The following KCNIP4 variants were observed in gnomAD, a reference collection of about 807,000 sequenced individuals.
KCNIP4 encodes Kv channel-interacting protein 4.
A neutral mutation model predicts 34.0 loss-of-function variants in KCNIP4; 12 were observed. The observed-to-expected ratio is 0.35, with a 90% confidence interval of 0.23 to 0.57. The LOEUF (loss-of-function observed/expected upper bound fraction) is 0.57. Among genes scored for constraint, KCNIP4 ranks in the 20% least tolerant of loss-of-function variants. The probability of loss-of-function intolerance (pLI) is 0.83; values close to 1 mark genes in which losing one functional copy is unlikely to be tolerated. For synonymous variants in KCNIP4, 124 were observed against 102.2 expected (o/e 1.21, Z -1.29); for missense variants, 238 against 311.7 (o/e 0.76, Z 1.78).
intron 1 of KCNIP4, among the ~76,000 whole-genome samples, chr4:21,594,094 GATACA>G (rs1042837079): frequency 2.3e-4 from 35 of 152,178 alleles, no homozygotes; most frequent in African/African-American, 8.2e-4. Context: ...TACCTTGAAA[GATACA>G]ATACCAAATT....
At chr4:21,905,458 GGTTT>G in intron 1 of KCNIP4, among the ~76,000 whole-genome samples, 1 of 151,948 alleles carries the variant, frequency 6.6e-6, no homozygotes, top group Non-Finnish European at 1.5e-5. Flanking sequence ...ACAACATGCA[GGTTT>G]GTTACATATG....
chr4:20,786,512 T>C (rs1712013986), intron 3 of KCNIP4, among the ~76,000 whole-genome samples: 1 of 152,210 alleles, frequency 6.6e-6, no homozygotes, highest in Non-Finnish European at 1.5e-5. Context: ...TATAGTCTTC[T>C]ATATTTTTCC....
At chr4:21,673,336 T>G (rs1749648649) in intron 1 of KCNIP4, among the ~76,000 whole-genome samples, 1 of 152,206 alleles carries the variant, frequency 6.6e-6, no homozygotes, top group Non-Finnish European at 1.5e-5. Flanking sequence ...TATATCTTCT[T>G]GGTTCTCTTA....
At chr4:21,488,675 T>C (rs1049605269) in intron 1 of KCNIP4, among the ~76,000 whole-genome samples, 3 of 151,882 alleles carry the variant, frequency 2.0e-5, no homozygotes, top group Non-Finnish European at 4.4e-5. Context: ...ACATGGGAAG[T>C]AGGAATTAAG....
intron 1 of KCNIP4, among the ~76,000 whole-genome samples, chr4:21,258,820 T>C (rs1761256257): frequency 6.6e-6 from 1 of 152,192 alleles, no homozygotes; most frequent in African/African-American, 2.4e-5. Flanking sequence ...GAAACATTCC[T>C]ACATTTGCAT....
intron 1 of KCNIP4, among the ~76,000 whole-genome samples, chr4:21,725,160 C>T (rs966302820): frequency 1.3e-5 from 2 of 152,122 alleles, no homozygotes; most frequent in South Asian, 4.1e-4. Flanking sequence ...ATCACAGATG[C>T]CTTTTAAACC....
intron 1 of KCNIP4, among the ~76,000 whole-genome samples, chr4:21,745,612 A>G (rs1716722373): frequency 6.6e-6 from 1 of 152,166 alleles, no homozygotes. Context: ...ACATCAAACC[A>G]CAGAAACACA....
intron 1 of KCNIP4, among the ~76,000 whole-genome samples, chr4:21,760,836 A>G (rs1020842557): frequency 6.6e-6 from 1 of 152,114 alleles, no homozygotes; most frequent in African/African-American, 2.4e-5. Context: ...CACACTCCCA[A>G]TGCATTCTAT....
chr4:21,540,211 G>A (rs1213976797), intron 1 of KCNIP4, among the ~76,000 whole-genome samples: 2 of 151,988 alleles, frequency 1.3e-5, no homozygotes, highest in Admixed American at 1.3e-4. Context: ...ATGAATCCTA[G>A]AGCACATGTT....
In KCNIP4 at chr4:21,478,729, T is replaced by C. The variant is rs114756204; in HGVS notation, c.61+469842A>G. 8.1e-3 allele frequency among the ~76,000 whole-genome samples: 1,236 copies of C among 152,286 alleles called. 13 individuals are homozygous for C. The highest frequency in any genetic ancestry group is 0.029 in the African/African-American group (1,188 of 41,566). The stretch of plus-strand genomic sequence containing the variant: ...GGGAATGCACTAATGATAAGCAGTA[T>C]AAATTTCGGAATAGGTTTCTCATCT... On this transcript the variant is annotated intron_variant, in intron 1 of 8. Transcript: ENST00000382152.
intron 1 of KCNIP4, among the ~76,000 whole-genome samples, chr4:20,942,398 A>C (rs1731731661): frequency 6.6e-6 from 1 of 152,214 alleles, no homozygotes; most frequent in Non-Finnish European, 1.5e-5. Flanking sequence ...TCTGACCCAA[A>C]GTCTGTGCAA....
chr4:20,754,672 T>C (rs1171252476), intron 4 of KCNIP4, among the ~76,000 whole-genome samples: 2 of 152,234 alleles, frequency 1.3e-5, no homozygotes, highest in African/African-American at 4.8e-5. Flanking sequence ...GAAATAATTG[T>C]TAAGAGTGTA....
In KCNIP4 at chr4:21,879,819, C is replaced by A. The variant is rs148498128; in HGVS notation, c.61+68752G>T. Among the ~76,000 whole-genome samples, 327 of 152,236 alleles carry A rather than the reference C, an allele frequency of 2.1e-3. 1 individual carries two copies. The highest frequency in any genetic ancestry group is 4.2e-3 in the Non-Finnish European group (287 of 68,022). On this transcript the variant is annotated intron_variant, in intron 1 of 8. Transcript: ENST00000382152. Reference sequence around the variant, plus strand: ...TAATCCCCACATGTCATGGAAGGGACCCGGTGGGAGGTAATTGAATCATGG... The same window carrying A: ...TAATCCCCACATGTCATGGAAGGGAACCGGTGGGAGGTAATTGAATCATGG...
intron 1 of KCNIP4, among the ~76,000 whole-genome samples, chr4:21,499,725 C>A (rs1577470443): frequency 6.6e-6 from 1 of 152,136 alleles, no homozygotes; most frequent in Middle Eastern, 3.5e-3. Flanking sequence ...GAAAAAATTT[C>A]TTTTTCAGAA....
At chr4:21,615,434 T>C (rs1356290246) in intron 1 of KCNIP4, among the ~76,000 whole-genome samples, 1 of 150,340 alleles carries the variant, frequency 6.7e-6, no homozygotes, top group African/African-American at 2.4e-5. Flanking sequence ...TAGGCCCAGC[T>C]ACTCAGGAGG....
intron 1 of KCNIP4, among the ~76,000 whole-genome samples, chr4:21,887,291 A>G (rs1726830881): frequency 6.6e-6 from 1 of 152,062 alleles, no homozygotes; most frequent in African/African-American, 2.4e-5. Context: ...GGTTCTGGTG[A>G]GGACTCTCTC....
chr4:21,279,111 T>C (rs910830773), intron 1 of KCNIP4, among the ~76,000 whole-genome samples: 27 of 152,198 alleles, frequency 1.8e-4, no homozygotes, highest in Non-Finnish European at 3.2e-4. Context: ...TTATGAAAGC[T>C]TATATTAGGT....
At chr4:21,828,452 A>G (rs542746059) in intron 1 of KCNIP4, among the ~76,000 whole-genome samples, 107 of 152,098 alleles carry the variant, frequency 7.0e-4, no homozygotes, top group African/African-American at 2.5e-3. Context: ...CGAAGATATA[A>G]TAACAAGACT....
intron 3 of KCNIP4, among the ~76,000 whole-genome samples, chr4:20,809,437 G>T (rs986606569): frequency 6.6e-6 from 1 of 152,126 alleles, no homozygotes; most frequent in Non-Finnish European, 1.5e-5. Context: ...CATAACACAC[G>T]ATATAAAGTG....
Sources: gnomAD v4.1 joint callset for allele counts (sites outside exome capture counted in the v4.1 genomes callset) on GRCh38, gnomAD v4.1.1 for gene constraint, MANE v1.5 for transcripts, NCBI Gene and HGNC (gene_info 2026-07-23, HGNC 2026-07-21) for gene names.